The following DOCK2 variants were observed in gnomAD, a reference collection of about 807,000 sequenced individuals.
DOCK2 encodes the protein dedicator of cytokinesis protein 2.
A neutral mutation model predicts 248.9 loss-of-function variants in DOCK2; 87 were observed. The observed-to-expected ratio is 0.35, with a 90% CI of 0.29 to 0.42. DOCK2 has a LOEUF of 0.42. DOCK2 is among the 10% of genes least tolerant of loss of function. The probability of loss-of-function intolerance (pLI) is 1.00; values close to 1 mark genes in which losing one functional copy is unlikely to be tolerated. For synonymous variants in DOCK2, 805 were observed against 821.6 expected, an observed-to-expected ratio of 0.98 and a Z score of 0.35; for missense variants, 1,747 against 2,300.2, an observed-to-expected ratio of 0.76 and a Z score of 4.92.
chr5:169,882,519 A>C, intron 27 of DOCK2: 2 of 1,502,642 alleles, frequency 1.3e-6, no homozygotes, highest in Middle Eastern at 1.7e-4. Flanking sequence ...GACTTCACCC[A>C]GTCATTTTTA....
At chr5:169,801,143 T>A (rs1173810952) in intron 25 of DOCK2, among the ~76,000 whole-genome samples, 2 of 92,580 alleles carry the variant, frequency 2.2e-5, no homozygotes, top group African/African-American at 7.7e-5. Context: ...CAGATAGTTT[T>A]GGGTTTTTTT....
At chr5:169,807,076 C>T (rs895667187) in intron 26 of DOCK2, among the ~76,000 whole-genome samples, 3 of 152,016 alleles carry the variant, frequency 2.0e-5, no homozygotes, top group African/African-American at 4.8e-5. Flanking sequence ...TGGGGGTCCC[C>T]GGCTTGCAAA....
chr5:170,081,652 C>T, intron 50 of DOCK2, 190 bp from the exon 51 acceptor site: 1 of 661,538 alleles, frequency 1.5e-6, no homozygotes, highest in South Asian at 2.1e-5. Flanking sequence ...GGGCAATCTT[C>T]ACTGCAAGAG....
At chr5:169,750,717 G>A (rs1763851568) in intron 23 of DOCK2, among the ~76,000 whole-genome samples, 1 of 152,172 alleles carries the variant, frequency 6.6e-6, no homozygotes, top group Non-Finnish European at 1.5e-5. Flanking sequence ...TTTGCTCTAA[G>A]GGTCAAATTT....
intron 8 of DOCK2, among the ~76,000 whole-genome samples, 191 bp from the exon 9 acceptor site, chr5:169,689,061 T>C (rs1036254828): frequency 6.6e-6 from 1 of 152,066 alleles, no homozygotes; most frequent in African/African-American, 2.4e-5. Flanking sequence ...TTCTTTGCTC[T>C]TGCCTGTCTA....
At chr5:169,768,251 G>T (rs1764902121) in intron 25 of DOCK2, among the ~76,000 whole-genome samples, 2 of 152,362 alleles carry the variant, frequency 1.3e-5, no homozygotes, top group South Asian at 4.1e-4. Flanking sequence ...GAGAATCTGG[G>T]ATGTAAACGA....
At chr5:169,798,584 G>C (rs566983533) in intron 25 of DOCK2, among the ~76,000 whole-genome samples, 2 of 152,324 alleles carry the variant, frequency 1.3e-5, no homozygotes, top group Non-Finnish European at 2.9e-5. Flanking sequence ...TTATTCCACA[G>C]CTCTGTTTTA....
At chr5:169,769,586 G>A (rs1173549602) in intron 25 of DOCK2, among the ~76,000 whole-genome samples, 1 of 152,234 alleles carries the variant, frequency 6.6e-6, no homozygotes, top group East Asian at 1.9e-4. Context: ...AAGCTTAGAT[G>A]TCCCTGAGGA....
At chr5:169,838,130 A>G (rs1432199280) in intron 26 of DOCK2, among the ~76,000 whole-genome samples, 1 of 152,164 alleles carries the variant, frequency 6.6e-6, no homozygotes, top group Non-Finnish European at 1.5e-5. Context: ...AAAGTCACTG[A>G]AGGAGGTAGA....
rs1048889631 is a variant in DOCK2 at position 169,804,499 on chromosome 5, C to T, written c.2703+1293C>T. On this transcript the variant is annotated intron_variant, in intron 26 of 51. Transcript: ENST00000520908. ...GTGTGTGTGTGTGCGCGCGCGCGTG[C>T]GCGTAAGCATTTTTGTCAAGGAAGC... is the stretch of plus-strand genomic sequence containing the variant. Among the ~76,000 whole-genome samples the T allele has an allele frequency of 4.6e-3, 289 of 62,644 alleles. 4 individuals are homozygous for T. Among genetic ancestry groups the T allele is most frequent in the African/African-American group, 9.5e-3 (273 of 28,644 alleles). 41.1% of individuals were successfully genotyped at this position (62,644 alleles called of 152,430 possible). A position where few individuals can be genotyped will look rare whatever the true frequency, so the allele number is the denominator to read the frequency against.
At chr5:169,644,612 C>A (rs1454415624) in intron 1 of DOCK2, among the ~76,000 whole-genome samples, 2 of 151,626 alleles carry the variant, frequency 1.3e-5, no homozygotes, top group Non-Finnish European at 2.9e-5. Context: ...CCTTTTGTAC[C>A]ACGGTACTTT....
chr5:169,719,050 T>C (rs1762055537), intron 22 of DOCK2, among the ~76,000 whole-genome samples: 1 of 152,258 alleles, frequency 6.6e-6, no homozygotes, highest in Non-Finnish European at 1.5e-5. Flanking sequence ...CTGTGTTTCA[T>C]CTAACATTCT....
chr5:169,703,676 T>C (rs575910738), intron 14 of DOCK2, among the ~76,000 whole-genome samples: 44 of 152,332 alleles, frequency 2.9e-4, no homozygotes, highest in African/African-American at 9.4e-4. Context: ...TTAATTAGTA[T>C]CTATTTGAAC....
rs36108162 is a variant in DOCK2, at chr5:169,806,219, G to GTTT, written c.2703+3030_2703+3032dup. ...CCTGCATAGTCATATCACCTCGAGA[G>GTTT]TTTTTTTTTTTTTTTTTTTGAGCCA... On this transcript the variant is annotated intron_variant, in intron 26 of 51. Coordinates refer to ENST00000520908, the MANE Select transcript of DOCK2 (RefSeq NM_004946.3). Among the ~76,000 whole-genome samples, 364 of 122,524 alleles carry GTTT rather than the reference G, an allele frequency of 3.0e-3. 6 individuals are homozygous for GTTT. The highest frequency in any genetic ancestry group is 0.01 in the African/African-American group (328 of 32,516). 80.4% of individuals were successfully genotyped at this position (122,524 alleles called of 152,430 possible).
At position 170,008,670 on chromosome 5, in the gene DOCK2, G is replaced by C; in HGVS notation, c.3174-18G>C. On this transcript the variant is annotated intron_variant, in intron 31 of 51. Transcript: ENST00000520908. ...CCTCTGAGATGGTGCCTGAAGCAGA[G>C]GTTTTTGTTCCTCCTAGGTATGGGG... is the stretch of plus-strand genomic sequence containing the variant. The C allele has an allele frequency of 1.2e-6, 2 of 1,614,092 alleles. No individual in the cohort carries two copies. The highest frequency in any genetic ancestry group is 1.7e-6 in the Non-Finnish European group (2 of 1,179,994).
At chr5:169,729,058 T>C (rs1762630549) in intron 22 of DOCK2, among the ~76,000 whole-genome samples, 1 of 152,244 alleles carries the variant, frequency 6.6e-6, no homozygotes, top group Non-Finnish European at 1.5e-5. Flanking sequence ...TGGCTATTTC[T>C]GTCAAATGCT....
At chr5:169,688,895 A>G (rs919701757) in intron 8 of DOCK2, among the ~76,000 whole-genome samples, 12 of 152,296 alleles carry the variant, frequency 7.9e-5, no homozygotes, top group Admixed American at 2.0e-4. Context: ...TTAATGTCCA[A>G]TAAAATATAC....
chr5:169,809,249 C>T (rs1016829280), intron 26 of DOCK2, among the ~76,000 whole-genome samples: 1 of 152,194 alleles, frequency 6.6e-6, no homozygotes, highest in Non-Finnish European at 1.5e-5. Flanking sequence ...CCTCCACCTC[C>T]CAAAGTGCTG....
chr5:170,036,605 T>C, intron 36 of DOCK2, 50 bp downstream of exon 36: 1 of 1,576,728 alleles, frequency 6.3e-7, no homozygotes, highest in Non-Finnish European at 8.7e-7. Context: ...ACTTTCCTGC[T>C]CAGTATCCAT....
Sources: gnomAD v4.1 joint callset for allele counts (sites outside exome capture counted in the v4.1 genomes callset) on GRCh38, gnomAD v4.1.1 for gene constraint, MANE v1.5 for transcripts, NCBI Gene and HGNC (gene_info 2026-07-23, HGNC 2026-07-21) for gene names.